Variants in CNTNAP2 observed in about 807,000 individuals in gnomAD.
The protein encoded by CNTNAP2 is contactin associated protein 2.
CNTNAP2 carries 98 observed loss-of-function variants against 155.2 expected under a neutral mutation model. The ratio of observed to expected loss-of-function variants is 0.63; its 90% CI spans 0.54 to 0.75. CNTNAP2 has a LOEUF of 0.75. Among genes scored for constraint, CNTNAP2 ranks in the 30% least tolerant of loss-of-function variants. The probability of loss-of-function intolerance (pLI) is 0.00; values close to 1 mark genes in which losing one functional copy is unlikely to be tolerated. For synonymous variants in CNTNAP2, 651 were observed against 631.2 expected (o/e 1.03, Z -0.47); for missense variants, 1,727 against 1,688.1 (o/e 1.02, Z -0.40).
chr7:146,396,375 C>T (rs1795627065), intron 1 of CNTNAP2, among the ~76,000 whole-genome samples: 1 of 151,892 alleles, frequency 6.6e-6, no homozygotes, highest in African/African-American at 2.4e-5. Context: ...AGCAAGAAAA[C>T]ACAGCATCTA....
intron 17 of CNTNAP2, among the ~76,000 whole-genome samples, chr7:148,168,267 G>C (rs1326990886): frequency 6.6e-6 from 1 of 151,960 alleles, no homozygotes; most frequent in African/African-American, 2.4e-5. Flanking sequence ...GCACACGTAT[G>C]TTTATTGCAG....
chr7:147,593,650 G>T (rs1444305032), intron 12 of CNTNAP2, among the ~76,000 whole-genome samples: 1 of 152,158 alleles, frequency 6.6e-6, no homozygotes, highest in South Asian at 2.1e-4. Context: ...ACTGTACTTG[G>T]GATCATAGTT....
At chr7:147,643,833 A>G (rs147309027) in intron 13 of CNTNAP2, among the ~76,000 whole-genome samples, 1 of 152,292 alleles carries the variant, frequency 6.6e-6, no homozygotes, top group African/African-American at 2.4e-5. Flanking sequence ...ATTCATATGG[A>G]CCTCATTTTT....
At chr7:146,425,224 C>A (rs1796071159) in intron 1 of CNTNAP2, among the ~76,000 whole-genome samples, 1 of 152,128 alleles carries the variant, frequency 6.6e-6, no homozygotes, top group Non-Finnish European at 1.5e-5. Flanking sequence ...TTTTCTAACC[C>A]TTTCCTGATA....
chr7:146,798,232 C>T lies in CNTNAP2; in HGVS notation c.208+23851C>T, dbSNP rs544737976. Among the ~76,000 whole-genome samples the T allele has an allele frequency of 1.9e-3, 294 of 151,584 alleles. 2 individuals carry two copies. The highest frequency in any genetic ancestry group is 6.6e-3 in the African/African-American group (271 of 41,314). On this transcript the variant is annotated intron_variant, in intron 2 of 23. Coordinates refer to ENST00000361727, the MANE Select transcript of CNTNAP2 (RefSeq NM_014141.6). ...GGCAGAGGCTGCAGTGAGTGGTGATCGTGCCACTGCATTCCAGCCTAGGTG... is the reference window on the plus strand; with the variant it reads ...GGCAGAGGCTGCAGTGAGTGGTGATTGTGCCACTGCATTCCAGCCTAGGTG...
At chr7:146,197,238 T>A (rs1798790477) in intron 1 of CNTNAP2, among the ~76,000 whole-genome samples, 1 of 152,152 alleles carries the variant, frequency 6.6e-6, no homozygotes, top group Admixed American at 6.6e-5. Flanking sequence ...TTATTATTCC[T>A]CATAGCAAAT....
chr7:147,733,452 A>T (rs571322788), intron 13 of CNTNAP2, among the ~76,000 whole-genome samples: 1 of 152,112 alleles, frequency 6.6e-6, no homozygotes, highest in Non-Finnish European at 1.5e-5. Flanking sequence ...GTCAGGTAGC[A>T]TGATGCCTCC....
At chr7:146,135,094 G>A (rs1040126948) in intron 1 of CNTNAP2, among the ~76,000 whole-genome samples, 29 of 152,174 alleles carry the variant, frequency 1.9e-4, no homozygotes, top group South Asian at 4.1e-4. Flanking sequence ...TGATGCTAAT[G>A]CTGAGACTGA....
At position 147,638,841 on chromosome 7, in the gene CNTNAP2, CT is replaced by C. The variant is rs71874555; in HGVS notation, c.1898-252del. 0.078 allele frequency: 36,965 copies of C among 474,706 alleles called. 51 individuals are homozygous for C. Among genetic ancestry groups the C allele is most frequent in the East Asian group, 0.17 (3,496 of 21,046 alleles). 29.4% of individuals were successfully genotyped at this position (474,706 alleles called of 1,614,324 possible). ...TTAGAGCACCAACAAGATACAAAAG[CT>C]TTTTTTTTTTTTCTTTTTTTGCCTT... is the stretch of plus-strand genomic sequence containing the variant. On this transcript the variant is annotated intron_variant, in intron 12 of 23. Transcript: ENST00000361727.
intron 13 of CNTNAP2, among the ~76,000 whole-genome samples, chr7:147,706,417 CA>C (rs1375099824): frequency 5.1e-4 from 78 of 151,926 alleles, no homozygotes; most frequent in African/African-American, 1.6e-3. Context: ...CCTTGGGTGG[CA>C]TTTTTTTTTT....
At chr7:147,262,342 G>A (rs1176738023) in intron 8 of CNTNAP2, among the ~76,000 whole-genome samples, 3 of 152,214 alleles carry the variant, frequency 2.0e-5, no homozygotes, top group African/African-American at 7.2e-5. Context: ...CAAATCATAT[G>A]TTGAAGTCTT....
At chr7:146,676,130 C>A (rs999805094) in intron 1 of CNTNAP2, among the ~76,000 whole-genome samples, 2 of 152,042 alleles carry the variant, frequency 1.3e-5, no homozygotes, top group African/African-American at 4.8e-5. Flanking sequence ...TTATGAGAAA[C>A]ATTCTTCATA....
At chr7:147,902,957 G>A (rs977022680) in intron 13 of CNTNAP2, among the ~76,000 whole-genome samples, 8 of 151,942 alleles carry the variant, frequency 5.3e-5, no homozygotes, top group Admixed American at 2.6e-4. Flanking sequence ...TATCTTTTTC[G>A]TATAATGACT....
chr7:146,968,847 T>C (rs888434086), intron 3 of CNTNAP2, among the ~76,000 whole-genome samples: 2 of 146,242 alleles, frequency 1.4e-5, no homozygotes, highest in African/African-American at 5.1e-5. Flanking sequence ...TCTTGCCTTC[T>C]GCTAGCTTTT....
chr7:148,169,563 AG>A (rs1562982149), intron 17 of CNTNAP2, among the ~76,000 whole-genome samples: 1 of 152,250 alleles, frequency 6.6e-6, no homozygotes, highest in African/African-American at 2.4e-5. Context: ...AAAACTTAAA[AG>A]TCCACTGGTG....
chr7:146,857,724 A>G (rs191095588), intron 3 of CNTNAP2, among the ~76,000 whole-genome samples: 6 of 152,306 alleles, frequency 3.9e-5, no homozygotes, highest in Non-Finnish European at 8.8e-5. Context: ...ATAAGAAAAA[A>G]GACACACCAA....
At chr7:147,710,643 T>A (rs1796389079) in intron 13 of CNTNAP2, among the ~76,000 whole-genome samples, 1 of 152,182 alleles carries the variant, frequency 6.6e-6, no homozygotes, top group Non-Finnish European at 1.5e-5. Flanking sequence ...GTTGCTCTTT[T>A]AGAACTATAA....
intron 22 of CNTNAP2, among the ~76,000 whole-genome samples, chr7:148,408,088 T>C (rs1214622556): frequency 6.6e-6 from 1 of 151,846 alleles, no homozygotes; most frequent in Non-Finnish European, 1.5e-5. Context: ...CTACTAAAAA[T>C]ACAAAAATTA....
At chr7:148,000,089 G>A (rs1801871162) in intron 15 of CNTNAP2, among the ~76,000 whole-genome samples, 1 of 152,154 alleles carries the variant, frequency 6.6e-6, no homozygotes, top group Non-Finnish European at 1.5e-5. Context: ...CAAGAGGATT[G>A]GGCTGTGTTT....
Sources: allele counts gnomAD v4.1 joint callset (sites outside exome capture counted in the v4.1 genomes callset), GRCh38; gene constraint gnomAD v4.1.1; transcripts MANE v1.5; gene names NCBI Gene and HGNC (gene_info 2026-07-23, HGNC 2026-07-21).